The following KIAA1958 variants were observed in gnomAD, a reference collection of about 807,000 sequenced individuals.
KIAA1958 encodes uncharacterized protein KIAA1958.
KIAA1958 carries 14 observed loss-of-function variants against 47.2 expected under a neutral mutation model. That is an observed-to-expected ratio of 0.30 (90% CI 0.20 to 0.46). The LOEUF (loss-of-function observed/expected upper bound fraction) is 0.46. Ranked by LOEUF, KIAA1958 falls within the 20% of genes least tolerant of loss-of-function variation. KIAA1958 has a pLI of 1.00. For synonymous variants in KIAA1958, 354 were observed against 353.3 expected (o/e 1.00, Z -0.02); for missense variants, 803 against 909.2 (o/e 0.88, Z 1.50).
intron 2 of KIAA1958, 63 bp from the exon 3 acceptor site, chr9:112,645,587 A>G: frequency 9.1e-7 from 1 of 1,099,674 alleles, no homozygotes; most frequent in Admixed American, 2.5e-5. Flanking sequence ...TCATCCCAAG[A>G]TGTAATTCTC....
intron 3 of KIAA1958, 53 bp from the exon 4 acceptor site, chr9:112,659,210 G>A: frequency 6.2e-6 from 9 of 1,450,970 alleles, no homozygotes; most frequent in Non-Finnish European, 8.5e-6. Context: ...AGGAAGGAGG[G>A]GTCTGGCTGT....
chr9:112,619,591 ATTC>A (rs1836465910), intron 2 of KIAA1958, among the ~76,000 whole-genome samples: 1 of 152,180 alleles, frequency 6.6e-6, no homozygotes, highest in African/African-American at 2.4e-5. Flanking sequence ...TAAAGGTGCC[ATTC>A]TTTTTGGGAG....
chr9:112,605,668 C>G (rs1003624257), intron 2 of KIAA1958, among the ~76,000 whole-genome samples: 6 of 152,324 alleles, frequency 3.9e-5, no homozygotes, highest in South Asian at 2.1e-4. Context: ...TGTCCTCATA[C>G]CATTCTTGCT....
At chr9:112,560,261 T>G (rs997162499) in intron 1 of KIAA1958, among the ~76,000 whole-genome samples, 2 of 148,600 alleles carry the variant, frequency 1.3e-5, no homozygotes, top group Non-Finnish European at 3.0e-5. Flanking sequence ...AGTGCAGTGG[T>G]ATGATCATAG....
intron 1 of KIAA1958, among the ~76,000 whole-genome samples, chr9:112,571,515 G>A (rs879297528): frequency 2.0e-5 from 3 of 152,156 alleles, no homozygotes; most frequent in Non-Finnish European, 4.4e-5. Flanking sequence ...CCTTGCTCCA[G>A]GGGAAGCTGG....
chr9:112,577,986 CTA>C (rs1157205877), intron 2 of KIAA1958, among the ~76,000 whole-genome samples: 1 of 151,924 alleles, frequency 6.6e-6, no homozygotes, highest in Non-Finnish European at 1.5e-5. Flanking sequence ...AAGAAAAACA[CTA>C]TGAAGACTGG....
At chr9:112,562,431 C>T (rs1170310601) in intron 1 of KIAA1958, among the ~76,000 whole-genome samples, 1 of 152,158 alleles carries the variant, frequency 6.6e-6, no homozygotes, top group Non-Finnish European at 1.5e-5. Flanking sequence ...TTCACCCCTG[C>T]ACTGTCCCAG....
chr9:112,645,795 G>A lies in KIAA1958; in HGVS notation c.1317G>A (p.Gly439=). 1 of 1,613,364 alleles carries A rather than the reference G, an allele frequency of 6.2e-7. No individual in the cohort carries two copies. The highest frequency in any genetic ancestry group is 1.7e-5 in the Admixed American group (1 of 59,810). Residue 439 remains glycine, a synonymous_variant, in exon 3 of 4, where the codon GGG becomes GGA. Coordinates refer to ENST00000337530, the MANE Select transcript of KIAA1958 (RefSeq NM_133465.4). The part of the protein sequence containing the change: ...NVWRYWCMTN[G]LKDHTDITKI... ...GGCGTTATTGGTGCATGACCAACGG[G>A]CTCAAAGACCACACAGACATCACCA...
intron 1 of KIAA1958, among the ~76,000 whole-genome samples, chr9:112,495,852 A>T (rs916287181): frequency 6.6e-6 from 1 of 152,220 alleles, no homozygotes; most frequent in Non-Finnish European, 1.5e-5. Context: ...AGCATTATGC[A>T]ACAGAAGCTT....
At chr9:112,495,360 G>A (rs1236507606) in intron 1 of KIAA1958, among the ~76,000 whole-genome samples, 1 of 152,122 alleles carries the variant, frequency 6.6e-6, no homozygotes, top group Non-Finnish European at 1.5e-5. Context: ...GATGGAGATG[G>A]AAATTGATAA....
chr9:112,574,643 C>A lies in KIAA1958; in HGVS notation c.563C>A (p.Thr188Lys), dbSNP rs766369888. ...VPSSLHSSSQ[T>K]QMVDECSNDV... The stretch of plus-strand genomic sequence containing the variant: ...TCTTCCCTCCATTCAAGCTCCCAGA[C>A]GCAGATGGTTGACGAATGCAGCAAT... Residue 188 changes from threonine to lysine, a missense_variant, in exon 2 of 4, where the codon ACG becomes AAG. Coordinates refer to ENST00000337530, the MANE Select transcript of KIAA1958 (RefSeq NM_133465.4). 2 of 1,614,120 alleles carry A rather than the reference C, an allele frequency of 1.2e-6. No homozygotes were observed. The highest frequency in any genetic ancestry group is 2.2e-5 in the South Asian group (2 of 91,080).
chr9:112,506,329 G>A (rs1045950687), intron 1 of KIAA1958, among the ~76,000 whole-genome samples: 3 of 152,078 alleles, frequency 2.0e-5, no homozygotes, highest in Non-Finnish European at 2.9e-5. Flanking sequence ...GTTGGCGGGC[G>A]CCTGTAGTCC....
intron 2 of KIAA1958, among the ~76,000 whole-genome samples, chr9:112,601,496 A>G (rs1370863253): frequency 2.0e-5 from 3 of 152,132 alleles, no homozygotes; most frequent in Non-Finnish European, 2.9e-5. Context: ...TATTAGACCT[A>G]TCTGGGGACT....
intron 2 of KIAA1958, among the ~76,000 whole-genome samples, chr9:112,578,650 A>G (rs1264047717): frequency 6.6e-6 from 1 of 152,162 alleles, no homozygotes; most frequent in South Asian, 2.1e-4. Flanking sequence ...AAATTATAAA[A>G]TGTTAATCAA....
At position 112,664,032 on chromosome 9, in the gene KIAA1958, A is replaced by G. The variant is rs1837318779; in HGVS notation, c.*3963A>G. On this transcript the variant is annotated 3_prime_UTR_variant, in exon 4 of 4. Transcript: ENST00000337530. Reference sequence around the variant, plus strand: ...AATGCCGATATCACTTTGCTTAGCTATAAAGTGCCATCAGTGGGATGGATC... The same window carrying G: ...AATGCCGATATCACTTTGCTTAGCTGTAAAGTGCCATCAGTGGGATGGATC... 6.6e-6 allele frequency: 1 copy of G among 152,274 alleles called. No individual in the cohort carries two copies. Among genetic ancestry groups the G allele is most frequent in the South Asian group, 2.1e-4 (1 of 4,834 alleles). 9.4% of individuals were successfully genotyped at this position (152,274 alleles called of 1,614,324 possible). A position where few individuals can be genotyped will look rare whatever the true frequency, so the allele number is the denominator to read the frequency against.
intron 2 of KIAA1958, among the ~76,000 whole-genome samples, chr9:112,609,853 G>A (rs1443920664): frequency 6.6e-6 from 1 of 152,000 alleles, no homozygotes; most frequent in Non-Finnish European, 1.5e-5. Flanking sequence ...TGCCTGGCCA[G>A]AAAACCCATA....
At chr9:112,502,942 T>C (rs1434585742) in intron 1 of KIAA1958, among the ~76,000 whole-genome samples, 1 of 152,220 alleles carries the variant, frequency 6.6e-6, no homozygotes, top group Admixed American at 6.5e-5. Context: ...ACAATGATGA[T>C]TATAGAGACT....
rs1424210857 is a variant in KIAA1958, at chr9:112,635,216, G to T, written c.1172-10434G>T. Among the ~76,000 whole-genome samples, 59 of 12,298 alleles carry T rather than the reference G, an allele frequency of 4.8e-3. 1 individual carries two copies. Among genetic ancestry groups the T allele is most frequent in the Admixed American group, 0.012 (14 of 1,172 alleles). 8.1% of individuals were successfully genotyped at this position (12,298 alleles called of 152,430 possible). On this transcript the variant is annotated intron_variant, in intron 2 of 3. Coordinates refer to ENST00000337530, the MANE Select transcript of KIAA1958 (RefSeq NM_133465.4). Reference sequence around the variant, plus strand: ...GTTTTATTTTGAGATTCTTTATTTTGTGTGTGTGTGTGTGTGTGTGTGTGT... The same window carrying T: ...GTTTTATTTTGAGATTCTTTATTTTTTGTGTGTGTGTGTGTGTGTGTGTGT...
At chr9:112,538,252 G>C (rs1834887524) in intron 1 of KIAA1958, among the ~76,000 whole-genome samples, 1 of 152,070 alleles carries the variant, frequency 6.6e-6, no homozygotes. Context: ...GGCTGAGGTG[G>C]ATTGCTTGAG....
Sources: gnomAD v4.1 joint callset for allele counts (sites outside exome capture counted in the v4.1 genomes callset) on GRCh38, gnomAD v4.1.1 for gene constraint, MANE v1.5 for transcripts, NCBI Gene and HGNC (gene_info 2026-07-23, HGNC 2026-07-21) for gene names.